HDGFL2: variants seen among roughly 807,000 people sequenced by gnomAD.
HDGFL2 encodes HDGF like 2, also known as hepatoma-derived growth factor-related protein 2.
In HDGFL2, 36 loss-of-function variants were observed where a neutral mutation model predicts 77.1. The observed-to-expected ratio is 0.47, with a 90% CI of 0.36 to 0.62. The LOEUF (loss-of-function observed/expected upper bound fraction) is 0.62, where lower values mean the gene tolerates loss of function less well. Among genes scored for constraint, HDGFL2 ranks in the 20% least tolerant of loss-of-function variants. HDGFL2 has a pLI of 0.00. For missense variants in HDGFL2, 976 were observed against 973.4 expected (o/e 1.00, Z -0.04); for synonymous variants, 463 against 413.1 (o/e 1.12, Z -1.46).
chr19:4,499,585 C>T lies in HDGFL2; in HGVS notation c.1670C>T (p.Ala557Val), dbSNP rs766145902. 53 of 1,611,832 alleles carry T rather than the reference C, an allele frequency of 3.3e-5. No individual in the cohort carries two copies. The highest frequency in any genetic ancestry group is 4.1e-5 in the Non-Finnish European group (48 of 1,179,182). ...KSRVLGPKIEAVQKVNKAGME... is the reference protein window; with the variant it reads ...KSRVLGPKIEVVQKVNKAGME... The stretch of plus-strand genomic sequence containing the variant: ...CGGGTCCTCGGCCCAAAGATCGAGG[C>T]GGTGCAGAAAGTGAACAAGGCTGGG... The change falls in exon 14 of 16, where the codon GCG becomes GTG. Residue 557 changes from alanine (A) to valine (V), a missense_variant. By Grantham distance (64) the Ala-to-Val change is moderately conservative. Transcript: ENST00000616600.
Position 4,497,584 on chromosome 19 carries a change from C to A in HDGFL2, c.1329-374C>A, listed in dbSNP as rs1393072591. ...GGTATGGCAGTGGCGGGGTACAGAG[C>A]AGCACATGGCACCGAGCCTCAGCAA... On this transcript the variant is annotated intron_variant, in intron 10 of 15. Transcript: ENST00000616600. The A allele has an allele frequency of 9.1e-6, 3 of 330,536 alleles. No homozygotes were observed. The East Asian group carries it at 2.3e-4, about 26-fold the overall frequency. 20.5% of individuals were successfully genotyped at this position (330,536 alleles called of 1,614,324 possible).
chr19:4,489,409 AT>A (rs61585646), intron 4 of HDGFL2, among the ~76,000 whole-genome samples: 145 of 142,996 alleles, frequency 1.0e-3, no homozygotes, highest in East Asian at 1.5e-3. Context: ...CCACCACCAT[AT>A]TTTTTTTTTT....
chr19:4,498,692 G>A, intron 12 of HDGFL2, 122 bp from the exon 13 acceptor site: 1 of 682,062 alleles, frequency 1.5e-6, no homozygotes, highest in Admixed American at 2.3e-5. Flanking sequence ...GAGGGGAGCT[G>A]TTCTGCAGAT....
chr19:4,475,210 C>T, intron 1 of HDGFL2, 65 bp from the exon 2 acceptor site: 5 of 1,452,514 alleles, frequency 3.4e-6, no homozygotes, highest in Non-Finnish European at 3.8e-6. Flanking sequence ...AGTAACTTGG[C>T]TGATTTCTCG....
chr19:4,499,962 A>C (rs1326575296), intron 14 of HDGFL2, among the ~76,000 whole-genome samples: 1 of 152,210 alleles, frequency 6.6e-6, no homozygotes. Context: ...TGACGGGGAC[A>C]GTGCATGACA....
At position 4,499,618 on chromosome 19, in the gene HDGFL2, A is replaced by G. The variant is rs775953812; in HGVS notation, c.1703A>G (p.Lys568Arg). Reference protein sequence around the residue: ...VQKVNKAGMEKEKAEEKLAGE... With the variant: ...VQKVNKAGMEREKAEEKLAGE... ...AAAGTGAACAAGGCTGGGATGGAGA[A>G]GGAGAAGGCCGAGGAGAAGCTGGCC... The change falls in exon 14 of 16, where the codon AAG becomes AGG. Residue 568 changes from lysine to arginine, a missense_variant. Physicochemically the swap from Lys to Arg is conservative, Grantham distance 26. This residue lies in a region of HDGFL2 where 229 missense variants were observed against 187.3 expected (regional missense o/e 1.22). Coordinates refer to ENST00000616600, the MANE Select transcript of HDGFL2 (RefSeq NM_001001520.3). 1.2e-6 allele frequency: 2 copies of G among 1,602,336 alleles called. No individual in the cohort carries two copies. Among genetic ancestry groups the G allele is most frequent in the East Asian group, 4.5e-5 (2 of 44,490 alleles).
At chr19:4,493,127 T>G (rs1205617018) in intron 6 of HDGFL2, among the ~76,000 whole-genome samples, 13 of 121,800 alleles carry the variant, frequency 1.1e-4, no homozygotes, top group South Asian at 2.8e-4. Flanking sequence ...CTGTGTGTGG[T>G]GTGTGTGTTA....
intron 9 of HDGFL2, among the ~76,000 whole-genome samples, chr19:4,494,861 A>G (rs1037375885): frequency 2.0e-5 from 3 of 152,082 alleles, no homozygotes; most frequent in Non-Finnish European, 2.9e-5. Context: ...TGGAGGCTGC[A>G]GTGAGCTGTC....
intron 13 of HDGFL2, 79 bp from the exon 14 acceptor site, chr19:4,499,412 A>G (rs1432653219): frequency 1.5e-6 from 2 of 1,336,318 alleles, no homozygotes; most frequent in Non-Finnish European, 2.1e-6. Flanking sequence ...GGAGGGGCGC[A>G]TTGCTGGGGC....
chr19:4,478,079 C>CAAAAAA (rs1160351990), intron 3 of HDGFL2, among the ~76,000 whole-genome samples: 1 of 78,604 alleles, frequency 1.3e-5, no homozygotes. Context: ...GACTCTGTCT[C>CAAAAAA]AAAAAAAAAA....
At chr19:4,489,433 C>T (rs964462616) in intron 4 of HDGFL2, among the ~76,000 whole-genome samples, 1 of 149,886 alleles carries the variant, frequency 6.7e-6, no homozygotes, top group Non-Finnish European at 1.5e-5. Context: ...GAGACGGAGT[C>T]TCATTCTGTT....
At chr19:4,495,438 C>T (rs963376999) in intron 9 of HDGFL2, among the ~76,000 whole-genome samples, 17 of 145,860 alleles carry the variant, frequency 1.2e-4, no homozygotes, top group African/African-American at 4.1e-4. Context: ...AGGGGATCTA[C>T]GAAGACTCCT....
chr19:4,494,323 G>T lies in HDGFL2; in HGVS notation c.1072G>T (p.Asp358Tyr). 1 of 1,421,638 alleles carries T rather than the reference G, an allele frequency of 7.0e-7. No individual in the cohort carries two copies. Among genetic ancestry groups the T allele is most frequent in the South Asian group, 1.5e-5 (1 of 65,364 alleles). 88.1% of individuals were successfully genotyped at this position (1,421,638 alleles called of 1,614,324 possible). A position where few individuals can be genotyped will look rare whatever the true frequency, so the allele number is the denominator to read the frequency against. The change falls in exon 9 of 16, where the codon GAC (aspartate) becomes TAC (tyrosine). Residue 358 changes from aspartate to tyrosine, a missense_variant. Around this residue, in one of 5 missense-constraint regions of HDGFL2, gnomAD observed 567 missense variants for 534.7 expected, o/e 1.06. Coordinates refer to ENST00000616600, the MANE Select transcript of HDGFL2 (RefSeq NM_001001520.3). ...GAAGGAGCGGAGGCGCGAGCGGGCC[G>T]ACCGCGGGGAGGCTGAGCGGGGCAG... is the stretch of plus-strand genomic sequence containing the variant. ...EEKERRRERADRGEAERGSGG... is the reference protein window; with the variant it reads ...EEKERRRERAYRGEAERGSGG...
intron 3 of HDGFL2, 28 bp from the exon 4 acceptor site, chr19:4,488,648 C>G (rs184524669): frequency 6.5e-7 from 1 of 1,530,492 alleles, no homozygotes; most frequent in Admixed American, 2.0e-5. Flanking sequence ...CTGGTGGTGA[C>G]GCGCGTTCTC....
At chr19:4,496,781 A>G (rs980661754) in intron 10 of HDGFL2, 7 of 380,306 alleles carry the variant, frequency 1.8e-5, no homozygotes, top group Admixed American at 1.8e-4. Context: ...GTCCACAAGC[A>G]GAGGAGGAGG....
At position 4,499,669 on chromosome 19, in the gene HDGFL2, C is replaced by A; in HGVS notation, c.1754C>A (p.Ala585Asp). The change falls in exon 14 of 16, where the codon GCC becomes GAC. Residue 585 changes from alanine to aspartate, a missense_variant. Physicochemically the swap from Ala to Asp is moderately radical, Grantham distance 126. This residue lies in a region of HDGFL2 where 229 missense variants were observed against 187.3 expected (regional missense o/e 1.22). Transcript: ENST00000616600. The part of the protein sequence containing the change: ...LAGEELAGEE[A>D]PQEKAEDKPS... The stretch of plus-strand genomic sequence containing the variant: ...GGGGAGGAGCTGGCCGGGGAGGAGG[C>A]CCCCCAGGAGAAGGCGGAGGACAAG... 1.3e-6 allele frequency: 2 copies of A among 1,561,148 alleles called. No homozygotes were observed. Among genetic ancestry groups the A allele is most frequent in the South Asian group, 2.3e-5 (2 of 86,464 alleles).
At position 4,488,578 on chromosome 19, in the gene HDGFL2, G is replaced by T. The variant is rs180872286; in HGVS notation, c.289-98G>T. ...AGGAGACAACACGCCTGACATTCAG[G>T]ATCCCGCATGTGGTTGCCGTCCTCT... On this transcript the variant is annotated intron_variant, in intron 3 of 15. Coordinates refer to ENST00000616600, the MANE Select transcript of HDGFL2 (RefSeq NM_001001520.3). 4 of 1,085,776 alleles carry T rather than the reference G, an allele frequency of 3.7e-6. No individual in the cohort carries two copies. In the East Asian group the frequency reaches 7.8e-5, roughly 21 times the overall value. 67.3% of individuals were successfully genotyped at this position (1,085,776 alleles called of 1,614,324 possible).
intron 6 of HDGFL2, among the ~76,000 whole-genome samples, chr19:4,492,216 G>A (rs1284673281): frequency 6.6e-6 from 1 of 152,086 alleles, no homozygotes; most frequent in Non-Finnish European, 1.5e-5. Flanking sequence ...CACGTGTGTC[G>A]ACGTGCATGT....
chr19:4,475,610 G>C lies in HDGFL2; in HGVS notation c.288+27G>C, dbSNP rs775761478. 3 of 1,549,126 alleles carry C rather than the reference G, an allele frequency of 1.9e-6. No homozygotes were observed. In the South Asian group the frequency reaches 3.8e-5, roughly 19 times the overall value. The stretch of plus-strand genomic sequence containing the variant: ...TGAGTACCCGGGGTGGAGAGCCAGT[G>C]TGAAGCGCGCTACTGATGCAAGAAG... On this transcript the variant is annotated intron_variant, in intron 3 of 15. Transcript: ENST00000616600.
Sources: allele counts gnomAD v4.1 joint callset (sites outside exome capture counted in the v4.1 genomes callset), GRCh38; gene constraint gnomAD v4.1.1; regional missense constraint gnomAD v4.1.1; transcripts MANE v1.5; gene names NCBI Gene and HGNC (gene_info 2026-07-23, HGNC 2026-07-21).